LEMD1: variants seen among roughly 807,000 people sequenced by gnomAD.
LEMD1 encodes the protein LEM domain containing 1.
Under a neutral mutation model 17.4 loss-of-function variants are expected in LEMD1, and 18 were observed. The observed-to-expected ratio is 1.04, with a 90% confidence interval of 0.72 to 1.54. The LOEUF (loss-of-function observed/expected upper bound fraction) is 1.54. Among genes scored for constraint, LEMD1 ranks in the 40% most tolerant of loss-of-function variants. The pLI, the probability that LEMD1 is intolerant of heterozygous loss-of-function variation, is 0.00. For synonymous variants in LEMD1, 88 were observed against 77.8 expected (o/e 1.13, Z -0.69); for missense variants, 195 against 210.4 (o/e 0.93, Z 0.45).
At chr1:205,393,996 T>C (rs1419026986) in intron 4 of LEMD1, among the ~76,000 whole-genome samples, 1 of 152,124 alleles carries the variant, frequency 6.6e-6, no homozygotes, top group Non-Finnish European at 1.5e-5. Flanking sequence ...TTGTGGTATA[T>C]ACATATAATG....
upstream of LEMD1, among the ~76,000 whole-genome samples, chr1:205,425,024 C>T (rs1666037039): frequency 6.6e-6 from 1 of 152,124 alleles, no homozygotes; most frequent in African/African-American, 2.4e-5. Context: ...GCAGAATAGC[C>T]ACAACAGGAT....
chr1:205,431,779 C>A (rs752181086), intron 1 of LEMD1, among the ~76,000 whole-genome samples: 1 of 151,964 alleles, frequency 6.6e-6, no homozygotes, highest in Admixed American at 6.6e-5. Context: ...TGCAGTGGTG[C>A]GATCTTGGCT....
chr1:205,417,996 G>A (rs1290292637), intron 3 of LEMD1, among the ~76,000 whole-genome samples: 1 of 151,978 alleles, frequency 6.6e-6, no homozygotes, highest in African/African-American at 2.4e-5. Context: ...GTTCTGCTAT[G>A]TGCCTGGAAC....
In LEMD1 at chr1:205,433,521, T is replaced by C. The variant is rs528283558; in HGVS notation, c.-38-12947A>G. Among the ~76,000 whole-genome samples, 4 of 152,278 alleles carry C rather than the reference T, an allele frequency of 2.6e-5. No individual in the cohort carries two copies. The South Asian group carries it at 8.3e-4, about 32-fold the overall frequency. The stretch of plus-strand genomic sequence containing the variant: ...GGGCTGGAGCAATGTCTGGCTTTCC[T>C]ACATTTCTCCTGCAGCCCCTCCCAC... On this transcript the variant is annotated intron_variant, in intron 1 of 3. Transcript: ENST00000367154.
chr1:205,400,845 C>CG (rs200576054), intron 4 of LEMD1, among the ~76,000 whole-genome samples: 4 of 51,576 alleles, frequency 7.8e-5, no homozygotes, highest in Admixed American at 6.9e-4. Flanking sequence ...GCTATCCCTC[C>CG]CCCCCCCCAC....
chr1:205,395,594 CAAAAAAAAAAAAA>C (rs11365761), intron 4 of LEMD1, among the ~76,000 whole-genome samples: 1 of 129,232 alleles, frequency 7.7e-6, no homozygotes, highest in Non-Finnish European at 1.7e-5. Context: ...AATTCTGTCT[CAAAAAAAAAAAAA>C]AGAAAAAAAA....
intron 4 of LEMD1, among the ~76,000 whole-genome samples, chr1:205,407,998 C>T (rs1665200401): frequency 6.6e-6 from 1 of 152,146 alleles, no homozygotes; most frequent in South Asian, 2.1e-4. Flanking sequence ...CTCTTGAAAA[C>T]TGTCAAGGGC....
chr1:205,388,142 T>C (rs1664129491), intron 4 of LEMD1, among the ~76,000 whole-genome samples: 1 of 152,150 alleles, frequency 6.6e-6, no homozygotes, highest in South Asian at 2.1e-4. Flanking sequence ...AGAAATACCA[T>C]GTTCTGAACA....
chr1:205,439,133 G>A (rs1158281695), intron 1 of LEMD1, among the ~76,000 whole-genome samples: 2 of 152,190 alleles, frequency 1.3e-5, no homozygotes, highest in African/African-American at 4.8e-5. Context: ...CTGTATCAAG[G>A]TAACTTTTTC....
intron 1 of LEMD1, among the ~76,000 whole-genome samples, chr1:205,447,210 G>A (rs1002448010): frequency 1.3e-5 from 2 of 152,148 alleles, no homozygotes; most frequent in African/African-American, 4.8e-5. Flanking sequence ...TATGAACGTG[G>A]GCCAATTTCT....
intron 1 of LEMD1, among the ~76,000 whole-genome samples, chr1:205,429,354 T>A (rs888960544): frequency 6.6e-6 from 1 of 152,194 alleles, no homozygotes; most frequent in Non-Finnish European, 1.5e-5. Context: ...CTTATCATGA[T>A]GGTAGGGGTC....
rs1665712950 is a variant in LEMD1, at chr1:205,416,688, G to A, written c.206-392C>T. On this transcript the variant is annotated intron_variant, in intron 3 of 5. Coordinates refer to ENST00000367153, the MANE Select transcript of LEMD1 (RefSeq NM_001199050.2). The stretch of plus-strand genomic sequence containing the variant: ...CCAAAAAGGCACCCAGGGAAGGCAA[G>A]GCCAGACCTGTGCTAAAAGCCTTTA... Among the ~76,000 whole-genome samples, 5 of 152,164 alleles carry A rather than the reference G, an allele frequency of 3.3e-5. 1 individual carries two copies. In the South Asian group the frequency reaches 1.0e-3, roughly 32 times the overall value.
intron 1 of LEMD1, among the ~76,000 whole-genome samples, chr1:205,429,914 C>T (rs1004527758): frequency 6.6e-6 from 1 of 152,186 alleles, no homozygotes; most frequent in Non-Finnish European, 1.5e-5. Flanking sequence ...AGCCAGGCCG[C>T]GGACTGCCTA....
At chr1:205,394,874 C>G (rs1664517074) in intron 4 of LEMD1, among the ~76,000 whole-genome samples, 1 of 151,772 alleles carries the variant, frequency 6.6e-6, no homozygotes, top group Admixed American at 6.6e-5. Context: ...GTAATCCCAA[C>G]TACTCTGGAG....
intron 1 of LEMD1, among the ~76,000 whole-genome samples, chr1:205,443,374 A>G (rs1666329439): frequency 7.4e-6 from 1 of 134,452 alleles, no homozygotes; most frequent in African/African-American, 2.7e-5. Flanking sequence ...CCCTTAAATG[A>G]CCCGTTCCTC....
chr1:205,437,520 C>T (rs1666229447), intron 1 of LEMD1: 1 of 152,294 alleles, frequency 6.6e-6, no homozygotes, highest in Admixed American at 6.5e-5. Context: ...AGCAGAAGCT[C>T]TGGGTGACTT....
chr1:205,405,888 A>C (rs35240802), intron 4 of LEMD1, among the ~76,000 whole-genome samples: 54,092 of 151,112 alleles, frequency 0.36, 11,139 homozygotes, highest in East Asian at 0.64. Context: ...TTTGGTGTGG[A>C]TGTCCTTTCT....
chr1:205,424,135 C>T (rs868328811), upstream of LEMD1, among the ~76,000 whole-genome samples: 1 of 152,190 alleles, frequency 6.6e-6, no homozygotes, highest in African/African-American at 2.4e-5. Context: ...AGTAGATTTG[C>T]AGTTGCAATT....
chr1:205,420,332 T>A, intron 2 of LEMD1, 123 bp downstream of exon 2: 1 of 735,976 alleles, frequency 1.4e-6, no homozygotes, highest in East Asian at 2.7e-5. Flanking sequence ...TCTTTGTGGT[T>A]TTCTGTTTTC....
Sources: allele counts gnomAD v4.1 joint callset (sites outside exome capture counted in the v4.1 genomes callset), GRCh38; gene constraint gnomAD v4.1.1; transcripts MANE v1.5; gene names NCBI Gene and HGNC (gene_info 2026-07-23, HGNC 2026-07-21).